WDFY3: variants seen among roughly 807,000 people sequenced by gnomAD.
WDFY3 encodes the protein WD repeat and FYVE domain containing 3.
Under a neutral mutation model 409.6 loss-of-function variants are expected in WDFY3, and 66 were observed. That is an observed-to-expected ratio of 0.16 (90% confidence interval 0.13 to 0.20). The LOEUF is 0.20. WDFY3 is among the 10% of genes least tolerant of loss of function. WDFY3 has a pLI of 1.00. For missense variants in WDFY3, 3,031 were observed against 4,298.1 expected (o/e 0.71, Z 8.24); for synonymous variants, 1,521 against 1,537.1 (o/e 0.99, Z 0.25).
chr4:84,682,275 C>A, intron 64 of WDFY3, 99 bp downstream of exon 64: 1 of 1,134,318 alleles, frequency 8.8e-7, no homozygotes, highest in Non-Finnish European at 1.3e-6. Context: ...CAGTGCCCAA[C>A]CTTGGGCTCC....
At chr4:84,871,242 G>A (rs781476494) in intron 3 of WDFY3, among the ~76,000 whole-genome samples, 55 of 152,064 alleles carry the variant, frequency 3.6e-4, no homozygotes, top group Non-Finnish European at 7.1e-4. Context: ...GGGATAACAG[G>A]AAGGGAAAAC....
chr4:84,850,528 G>A (rs188432481), intron 4 of WDFY3, among the ~76,000 whole-genome samples: 1 of 152,078 alleles, frequency 6.6e-6, no homozygotes, highest in East Asian at 1.9e-4. Context: ...TGTTGGCCTG[G>A]CTAGTCTTGA....
At position 84,765,819 on chromosome 4, in the gene WDFY3, T is replaced by A; in HGVS notation, c.5179A>T (p.Thr1727Ser). Reference protein sequence around the residue: ...TDSVLTNKIGTVLGFNVGRSA... With the variant: ...TDSVLTNKIGSVLGFNVGRSA... Reference sequence around the variant, plus strand: ...TAGAAAAGTCCCATACCTAATACAGTTCCAATCTTATTAGTTAAGACAGAA... The same window carrying A: ...TAGAAAAGTCCCATACCTAATACAGATCCAATCTTATTAGTTAAGACAGAA... Residue 1727 changes from threonine (T) to serine (S), a missense_variant, in exon 32 of 68, where the codon ACT becomes TCT. Thr to Ser is a moderately conservative substitution (Grantham distance 58). Around this residue, in one of 16 missense-constraint regions of WDFY3, gnomAD observed 342 missense variants for 463.7 expected, o/e 0.74. Transcript: ENST00000295888. 1 of 1,613,730 alleles carries A rather than the reference T, an allele frequency of 6.2e-7. No individual in the cohort carries two copies. The highest frequency in any genetic ancestry group is 8.5e-7 in the Non-Finnish European group (1 of 1,179,862).
intron 62 of WDFY3, among the ~76,000 whole-genome samples, chr4:84,687,555 G>C (rs1728540763): frequency 6.6e-6 from 1 of 152,204 alleles, no homozygotes; most frequent in African/African-American, 2.4e-5. Flanking sequence ...GCATGGAGCA[G>C]TGAATGGATT....
At chr4:84,942,201 G>A (rs1220859726) in intron 1 of WDFY3, among the ~76,000 whole-genome samples, 2 of 151,816 alleles carry the variant, frequency 1.3e-5, no homozygotes, top group Non-Finnish European at 2.9e-5. Flanking sequence ...TGGGCAAAGT[G>A]GACATCACCA....
rs886825572 is a variant in WDFY3 at position 84,739,298 on chromosome 4, C to T, written c.6465-179G>A. On this transcript the variant is annotated intron_variant, in intron 39 of 67. Transcript: ENST00000295888. ...TTTTTAAGAGGTGATCAAATAAATCCACCTGACTAAATGTAATTAGACTGA... is the reference window on the plus strand; with the variant it reads ...TTTTTAAGAGGTGATCAAATAAATCTACCTGACTAAATGTAATTAGACTGA... 6 of 577,928 alleles carry T rather than the reference C, an allele frequency of 1.0e-5. 1 individual carries two copies. In the Admixed American group the frequency reaches 1.8e-4, roughly 17 times the overall value. 35.8% of individuals were successfully genotyped at this position (577,928 alleles called of 1,614,324 possible).
In WDFY3 at chr4:84,669,945, A is replaced by C. The variant is rs1725217564; in HGVS notation, c.*2923T>G. The C allele has an allele frequency of 6.6e-6, 1 of 152,630 alleles. No homozygotes were observed. The highest frequency in any genetic ancestry group is 1.5e-5 in the Non-Finnish European group (1 of 68,052). 9.5% of individuals were successfully genotyped at this position (152,630 alleles called of 1,614,324 possible). On this transcript the variant is annotated 3_prime_UTR_variant, in exon 68 of 68. Coordinates refer to ENST00000295888, the MANE Select transcript of WDFY3 (RefSeq NM_014991.6). ...ATGCAACAAGTAACCAAACTTGCTGAAATTAAAAATACTTTCTAAAAACAG... is the reference window on the plus strand; with the variant it reads ...ATGCAACAAGTAACCAAACTTGCTGCAATTAAAAATACTTTCTAAAAACAG...
At chr4:84,719,967 A>G (rs1734577621) in intron 47 of WDFY3, among the ~76,000 whole-genome samples, 1 of 152,242 alleles carries the variant, frequency 6.6e-6, no homozygotes, top group Admixed American at 6.5e-5. Flanking sequence ...AGAGGGTAAG[A>G]ACTCAAAGGT....
chr4:84,943,777 G>A (rs1380598927), intron 1 of WDFY3, among the ~76,000 whole-genome samples: 3 of 152,084 alleles, frequency 2.0e-5, no homozygotes, highest in African/African-American at 7.2e-5. Context: ...ATAGCCTAAG[G>A]GTGATACAAT....
At chr4:84,965,809 C>T (rs1460390995) in intron 1 of WDFY3, 2 of 152,362 alleles carry the variant, frequency 1.3e-5, no homozygotes, top group African/African-American at 4.8e-5. Flanking sequence ...AGGGCCTGAT[C>T]CCCTACCCCT....
At chr4:84,914,237 T>C (rs1004710476) in intron 2 of WDFY3, among the ~76,000 whole-genome samples, 1 of 151,950 alleles carries the variant, frequency 6.6e-6, no homozygotes, top group Non-Finnish European at 1.5e-5. Context: ...CTGGCCAACA[T>C]AGTAAAACCC....
chr4:84,832,443 AC>A (rs901152812), intron 7 of WDFY3, among the ~76,000 whole-genome samples: 4 of 152,344 alleles, frequency 2.6e-5, no homozygotes, highest in Non-Finnish European at 4.4e-5. Flanking sequence ...TATTAAAAAA[AC>A]AATGTATTGT....
At chr4:84,702,750 T>A (rs1462787119) in intron 55 of WDFY3, among the ~76,000 whole-genome samples, 2 of 152,192 alleles carry the variant, frequency 1.3e-5, no homozygotes, top group South Asian at 2.1e-4. Flanking sequence ...GTAAAGATTT[T>A]AAAAAGTCAT....
In WDFY3 at chr4:84,753,895, A is replaced by G; in HGVS notation, c.5560-19T>C. 6.4e-7 allele frequency: 1 copy of G among 1,557,926 alleles called. No individual in the cohort carries two copies. Among genetic ancestry groups the G allele is most frequent in the Non-Finnish European group, 8.6e-7 (1 of 1,156,868 alleles). The stretch of plus-strand genomic sequence containing the variant: ...GCCAAGGCTGTTATGGGGACATGAG[A>G]GGAAACACTATGTTACAGTTATTGA... On this transcript the variant is annotated intron_variant, in intron 34 of 67. Transcript: ENST00000295888.
intron 38 of WDFY3, among the ~76,000 whole-genome samples, chr4:84,741,076 G>C (rs1445594685): frequency 1.3e-5 from 2 of 152,038 alleles, no homozygotes. Context: ...TAAACTACAA[G>C]GAACTTTGTA....
chr4:84,834,353 T>A (rs550883858), intron 7 of WDFY3, among the ~76,000 whole-genome samples: 1 of 152,178 alleles, frequency 6.6e-6, no homozygotes, highest in African/African-American at 2.4e-5. Flanking sequence ...GTAAAGTCAA[T>A]TTCTCATTCC....
intron 7 of WDFY3, among the ~76,000 whole-genome samples, chr4:84,832,922 A>T (rs1755961280): frequency 6.6e-6 from 1 of 152,138 alleles, no homozygotes; most frequent in African/African-American, 2.4e-5. Flanking sequence ...AAAAAAAAGG[A>T]AGTAAAAATA....
chr4:84,850,973 A>AACT (rs1262066428), intron 4 of WDFY3, among the ~76,000 whole-genome samples: 6 of 16,042 alleles, frequency 3.7e-4, no homozygotes, highest in African/African-American at 1.0e-3. Context: ...TTTTTTTGAG[A>AACT]ACTGGTTCTT....
At chr4:84,757,935 T>C (rs975469002) in intron 32 of WDFY3, among the ~76,000 whole-genome samples, 1 of 152,196 alleles carries the variant, frequency 6.6e-6, no homozygotes, top group Non-Finnish European at 1.5e-5. Flanking sequence ...TCCAAGCCCG[T>C]TGTGGCTGCA....
Sources: gnomAD v4.1 joint callset for allele counts (sites outside exome capture counted in the v4.1 genomes callset) on GRCh38, gnomAD v4.1.1 for gene constraint, gnomAD v4.1.1 regional missense constraint, MANE v1.5 for transcripts, NCBI Gene and HGNC (gene_info 2026-07-23, HGNC 2026-07-21) for gene names.